PDE4D: variants seen among roughly 807,000 people sequenced by gnomAD.
The protein encoded by PDE4D is phosphodiesterase 4D, also known as 3',5'-cyclic-AMP phosphodiesterase 4D.
PDE4D carries 24 observed loss-of-function variants against 87.4 expected under a neutral mutation model. The ratio of observed to expected loss-of-function variants is 0.27; its 90% confidence interval spans 0.20 to 0.39. PDE4D has a LOEUF of 0.39. PDE4D is among the 10% of genes least tolerant of loss of function. PDE4D has a pLI of 1.00. For missense variants in PDE4D, 714 were observed against 1,041.0 expected, an observed-to-expected ratio of 0.69 and a Z score of 4.32; for synonymous variants, 384 against 383.2, an observed-to-expected ratio of 1.00 and a Z score of -0.02.
chr5:59,490,818 G>A (rs1806042583), intron 1 of PDE4D, among the ~76,000 whole-genome samples: 3 of 152,186 alleles, frequency 2.0e-5, no homozygotes, highest in Admixed American at 6.5e-5. Flanking sequence ...GTGGTACCAC[G>A]AAAGTAAAAG....
intron 1 of PDE4D, among the ~76,000 whole-genome samples, chr5:59,572,019 T>C (rs1158328711): frequency 1.3e-5 from 2 of 152,138 alleles, no homozygotes; most frequent in Non-Finnish European, 2.9e-5. Context: ...TCCTTATGAA[T>C]TGAATTTGTG....
chr5:59,360,258 C>G (rs189961305), intron 1 of PDE4D, among the ~76,000 whole-genome samples: 1 of 152,088 alleles, frequency 6.6e-6, no homozygotes, highest in Non-Finnish European at 1.5e-5. Context: ...ACGGAAGAGA[C>G]GAGGGTTGAG....
At chr5:60,219,741 A>T (rs561932886) in intron 1 of PDE4D, among the ~76,000 whole-genome samples, 2 of 152,306 alleles carry the variant, frequency 1.3e-5, no homozygotes, top group African/African-American at 4.8e-5. Context: ...GACCTTAGAT[A>T]TGGCAAGAAA....
In PDE4D at chr5:59,885,470, T is replaced by C. The variant is rs960774232; in HGVS notation, c.455+7698A>G. 4.6e-5 allele frequency among the ~76,000 whole-genome samples: 7 copies of C among 152,298 alleles called. No homozygotes were observed. In the South Asian group the frequency reaches 8.3e-4, roughly 18 times the overall value. On this transcript the variant is annotated intron_variant, in intron 1 of 14. Transcript: ENST00000340635. ...CCCAACGATAATCTTACTCCATTAG[T>C]ATACTATGTTCTCATAATTTTTCCC...
At chr5:59,175,023 G>A (rs1182140899) in intron 5 of PDE4D, among the ~76,000 whole-genome samples, 2 of 152,182 alleles carry the variant, frequency 1.3e-5, no homozygotes, top group African/African-American at 2.4e-5. Flanking sequence ...TGAGATGGCT[G>A]CAGAATGCTT....
intron 1 of PDE4D, among the ~76,000 whole-genome samples, chr5:60,318,789 C>A (rs912891193): frequency 4.6e-5 from 7 of 152,042 alleles, no homozygotes; most frequent in African/African-American, 1.7e-4. Context: ...AAATTCTTTT[C>A]TTTAAGAATG....
chr5:60,184,867 G>A (rs1784652259), intron 2 of PDE4D, among the ~76,000 whole-genome samples: 1 of 152,160 alleles, frequency 6.6e-6, no homozygotes, highest in Non-Finnish European at 1.5e-5. Context: ...AATGAACAAA[G>A]GGATGTGTTC....
At chr5:59,801,837 A>G (rs1402625072) in intron 1 of PDE4D, among the ~76,000 whole-genome samples, 1 of 152,246 alleles carries the variant, frequency 6.6e-6, no homozygotes, top group African/African-American at 2.4e-5. Context: ...AGCTAACTTC[A>G]GACAGGAAAT....
chr5:59,953,878 C>A (rs563167234), intron 3 of PDE4D, among the ~76,000 whole-genome samples: 2 of 152,242 alleles, frequency 1.3e-5, no homozygotes, highest in African/African-American at 2.4e-5. Flanking sequence ...ATGTTAGACC[C>A]CACTTAACGC....
intron 1 of PDE4D, among the ~76,000 whole-genome samples, chr5:59,780,586 C>T (rs958191282): frequency 7.9e-5 from 12 of 152,244 alleles, no homozygotes; most frequent in African/African-American, 2.9e-4. Context: ...AGCATGTATT[C>T]TTTGTGCCTA....
intron 1 of PDE4D, among the ~76,000 whole-genome samples, chr5:59,625,484 G>A (rs541955749): frequency 2.6e-4 from 39 of 150,732 alleles, no homozygotes; most frequent in African/African-American, 8.6e-4. Context: ...CTGAATTTCT[G>A]ACCTAAAGAG....
chr5:59,423,815 CTTT>C (rs34296140), intron 1 of PDE4D, among the ~76,000 whole-genome samples: 1 of 142,418 alleles, frequency 7.0e-6, no homozygotes. Context: ...GGAATGTAAC[CTTT>C]TTTTTTTTTT....
At chr5:59,762,562 A>G (rs1490683309) in intron 1 of PDE4D, among the ~76,000 whole-genome samples, 2 of 137,306 alleles carry the variant, frequency 1.5e-5, no homozygotes, top group African/African-American at 2.8e-5. Flanking sequence ...GGGTACACAT[A>G]TGTGTATATG....
chr5:60,431,415 C>T (rs924292361), intron 1 of PDE4D, among the ~76,000 whole-genome samples: 2 of 150,504 alleles, frequency 1.3e-5, no homozygotes, highest in African/African-American at 2.4e-5. Flanking sequence ...CGGGTAGAGG[C>T]GCTCCTCACA....
At chr5:60,180,005 G>A (rs933477573) in intron 2 of PDE4D, among the ~76,000 whole-genome samples, 3 of 152,222 alleles carry the variant, frequency 2.0e-5, no homozygotes, top group South Asian at 2.1e-4. Context: ...TATCTGTGGT[G>A]TTTACACTGG....
At chr5:60,275,501 GT>G in intron 1 of PDE4D, among the ~76,000 whole-genome samples, 1 of 152,110 alleles carries the variant, frequency 6.6e-6, no homozygotes, top group East Asian at 1.9e-4. Flanking sequence ...AATCATTACA[GT>G]AACCATCAAT....
chr5:59,708,423 A>C (rs1047963190), intron 1 of PDE4D, among the ~76,000 whole-genome samples: 1 of 152,188 alleles, frequency 6.6e-6, no homozygotes, highest in African/African-American at 2.4e-5. Flanking sequence ...TAGCTAGACT[A>C]ATAAGGAAGA....
At chr5:59,411,337 A>G (rs1372567151) in intron 1 of PDE4D, among the ~76,000 whole-genome samples, 3 of 152,130 alleles carry the variant, frequency 2.0e-5, no homozygotes, top group African/African-American at 7.2e-5. Context: ...TATTACTGAC[A>G]CTTTATTGTC....
rs1316937670 is a variant in PDE4D, at chr5:60,197,070, T to TAGATAGATAGATAGATAGAC, written c.-89-11384_-89-11383insGTCTATCTATCTATCTATCT. Among the ~76,000 whole-genome samples the TAGATAGATAGATAGATAGAC allele has an allele frequency of 2.1e-3, 264 of 122,978 alleles. 4 individuals carry two copies. Among genetic ancestry groups the TAGATAGATAGATAGATAGAC allele is most frequent in the East Asian group, 3.6e-3 (15 of 4,142 alleles). 80.7% of individuals were successfully genotyped at this position (122,978 alleles called of 152,430 possible). A position where few individuals can be genotyped will look rare whatever the true frequency, so the allele number is the denominator to read the frequency against. On this transcript the variant is annotated intron_variant, in intron 1 of 16. Coordinates refer to the PDE4D transcript ENST00000502484. ...ATAGATAGATAGATAGATAGATAGA[T>TAGATAGATAGATAGATAGAC]AGACAGTTAGATAGATAGATAGATA...
Sources: gnomAD v4.1 joint callset for allele counts (sites outside exome capture counted in the v4.1 genomes callset) on GRCh38, gnomAD v4.1.1 for gene constraint, MANE v1.5 for transcripts, NCBI Gene and HGNC (gene_info 2026-07-23, HGNC 2026-07-21) for gene names.